The following ACAN variants were observed in gnomAD, a reference collection of about 807,000 sequenced individuals.
ACAN encodes the protein aggrecan, also known as aggrecan core protein.
Under a neutral mutation model 169.1 loss-of-function variants are expected in ACAN, and 47 were observed. The observed-to-expected ratio is 0.28, with a 90% CI of 0.22 to 0.35. ACAN has a LOEUF of 0.35. ACAN is among the 10% of genes least tolerant of loss of function. The pLI is 1.00. For missense variants in ACAN, 2,716 were observed against 2,759.9 expected, an observed-to-expected ratio of 0.98 and a Z score of 0.36; for synonymous variants, 1,115 against 1,112.2, an observed-to-expected ratio of 1.00 and a Z score of -0.05.
At chr15:88,867,009 A>T (rs1671497651) in intron 13 of ACAN, among the ~76,000 whole-genome samples, 1 of 152,242 alleles carries the variant, frequency 6.6e-6, no homozygotes, top group Non-Finnish European at 1.5e-5. Flanking sequence ...CACTCACTGC[A>T]GAATTTTACT....
Position 88,855,248 on chromosome 15 carries a change from G to T in ACAN, c.2663G>T (p.Gly888Val), listed in dbSNP as rs763199875. The change falls in exon 12 of 19, where the codon GGG becomes GTG. Residue 888 changes from glycine to valine, a missense_variant. This residue lies in a region of ACAN where 1,283 missense variants were observed against 1,281.5 expected (regional missense o/e 1.00). Transcript: ENST00000560601. ...CTTGACTTCAGTGGGCAGCTGTCAGGGGACAGGGCAAGTGGACTGCCCTCT... is the reference window on the plus strand; with the variant it reads ...CTTGACTTCAGTGGGCAGCTGTCAGTGGACAGGGCAAGTGGACTGCCCTCT... ...GHLDFSGQLS[G>V]DRASGLPSGD... is the part of the protein sequence containing the mutation. 1.2e-6 allele frequency: 2 copies of T among 1,605,934 alleles called. No homozygotes were observed. The highest frequency in any genetic ancestry group is 1.7e-6 in the Non-Finnish European group (2 of 1,173,534).
intron 1 of ACAN, among the ~76,000 whole-genome samples, chr15:88,810,688 T>G (rs1895799595): frequency 6.6e-6 from 1 of 152,164 alleles, no homozygotes. Context: ...GAGGTGTCAT[T>G]AGAGTTAGCC....
At chr15:88,815,179 G>T (rs1895908574) in intron 1 of ACAN, among the ~76,000 whole-genome samples, 1 of 152,126 alleles carries the variant, frequency 6.6e-6, no homozygotes, top group Admixed American at 6.5e-5. Flanking sequence ...CCCACGTTGT[G>T]TATCAGTGGG....
intron 1 of ACAN, among the ~76,000 whole-genome samples, chr15:88,805,729 C>T (rs1475609180): frequency 1.3e-5 from 2 of 152,202 alleles, no homozygotes; most frequent in African/African-American, 4.8e-5. Flanking sequence ...TTACTATTAT[C>T]ATTCTTAATT....
In ACAN at chr15:88,857,806, G is replaced by C. The variant is rs748666817; in HGVS notation, c.5221G>C (p.Gly1741Arg). ...CTTTGGTGTCAGTGGACAGCCATCA[G>C]GGTTTCCTGACACTAGTGGGGAAAC... is the stretch of plus-strand genomic sequence containing the variant. Reference protein sequence around the residue: ...GLFGVSGQPSGFPDTSGETSG... With the variant: ...GLFGVSGQPSRFPDTSGETSG... Residue 1741 changes from glycine to arginine, a missense_variant, in exon 12 of 19, where the codon GGG becomes CGG. Coordinates refer to ENST00000560601, the MANE Select transcript of ACAN (RefSeq NM_001369268.1). 8 of 1,613,834 alleles carry C rather than the reference G, an allele frequency of 5.0e-6. No individual in the cohort carries two copies. The highest frequency in any genetic ancestry group is 3.4e-6 in the Non-Finnish European group (4 of 1,179,906).
chr15:88,866,108 C>G lies in ACAN; in HGVS notation c.6947-2108C>G, dbSNP rs1394387219. Among the ~76,000 whole-genome samples, 1 of 152,204 alleles carries G rather than the reference C, an allele frequency of 6.6e-6. No individual in the cohort carries two copies. Among genetic ancestry groups the G allele is most frequent in the African/African-American group, 2.4e-5 (1 of 41,446 alleles). ...ACACAGAAAGAAAGCAACGCTCCCC[C>G]TCACCCCAACTTGGGCAGCCTGGGA... On this transcript the variant is annotated intron_variant, in intron 13 of 18. Coordinates refer to ENST00000560601, the MANE Select transcript of ACAN (RefSeq NM_001369268.1). The surrounding 1 kb of genome is among the most constrained non-coding windows in gnomAD (Gnocchi z 5.6).
Position 88,874,306 on chromosome 15 carries a change from G to C in ACAN, c.7631-99G>C. On this transcript the variant is annotated intron_variant, in intron 18 of 18. Transcript: ENST00000560601. The surrounding 1 kb of genome is among the most constrained non-coding windows in gnomAD (Gnocchi z 7.3). The stretch of plus-strand genomic sequence containing the variant: ...ATAAAGCCTCAGGCGCCTGAGTCCT[G>C]GTTTCCACAAGGGAGAGAGGGTAGT... 7.9e-7 allele frequency: 1 copy of C among 1,262,198 alleles called. No homozygotes were observed. Among genetic ancestry groups the C allele is most frequent in the South Asian group, 1.3e-5 (1 of 77,702 alleles). The allele number at this position is 1,262,198 out of a possible 1,614,324, so 78.2% of individuals were successfully genotyped here.
In ACAN at chr15:88,845,702, C is replaced by A; in HGVS notation, c.1249C>A (p.Pro417Thr). 1 of 1,614,032 alleles carries A rather than the reference C, an allele frequency of 6.2e-7. No homozygotes were observed. The change falls in exon 7 of 19, where the codon CCC becomes ACC. Residue 417 changes from proline (P) to threonine (T), a missense_variant. By Grantham distance (38) the Pro-to-Thr change is conservative. Around this residue, in one of 3 missense-constraint regions of ACAN, gnomAD observed 1,283 missense variants for 1,281.5 expected, o/e 1.00. Transcript: ENST00000560601. ...VSPSPLEPEE[P>T]FTFAPEIGAT... ...CCCCAGTCCCCTGGAACCCGAGGAGCCCTTCACGTTTGCCCCTGAAATAGG... is the reference window on the plus strand; with the variant it reads ...CCCCAGTCCCCTGGAACCCGAGGAGACCTTCACGTTTGCCCCTGAAATAGG...
chr15:88,836,826 A>G (rs1438439888), intron 2 of ACAN, among the ~76,000 whole-genome samples: 1 of 152,244 alleles, frequency 6.6e-6, no homozygotes, highest in Non-Finnish European at 1.5e-5. Context: ...CCAAATGAGC[A>G]AAACTTCCAC....
At chr15:88,825,531 A>G (rs1433458819) in intron 1 of ACAN, among the ~76,000 whole-genome samples, 1 of 152,206 alleles carries the variant, frequency 6.6e-6, no homozygotes, top group Non-Finnish European at 1.5e-5. Flanking sequence ...CTTCTAGTGT[A>G]CCATGTTATC....
chr15:88,873,052 G>T lies in ACAN; in HGVS notation c.7447+27G>T. On this transcript the variant is annotated intron_variant, in intron 17 of 18. Transcript: ENST00000560601. The surrounding 1 kb of genome is among the most constrained non-coding windows in gnomAD (Gnocchi z 7.5). ...TAAGCTGGCGCCTGGGAGGGGTCAG[G>T]GGAGGATAGGATCAAGACCTCCAGC... The T allele has an allele frequency of 6.2e-7, 1 of 1,606,554 alleles. No homozygotes were observed. Among genetic ancestry groups the T allele is most frequent in the South Asian group, 1.1e-5 (1 of 89,658 alleles).
Position 88,803,693 on chromosome 15 carries a change from C to T in ACAN, c.-124C>T, listed in dbSNP as rs1895596124. ...GGAGGAGGGGTGCGCAGCGCCCGCG[C>T]AGAGCGTCTCCCTCGCTACGCAGCG... On this transcript the variant is annotated 5_prime_UTR_variant, in exon 1 of 19. Transcript: ENST00000560601. 2 of 152,304 alleles carry T rather than the reference C, an allele frequency of 1.3e-5. No individual in the cohort carries two copies. The highest frequency in any genetic ancestry group is 4.2e-4 in the South Asian group (2 of 4,818). 9.4% of individuals were successfully genotyped at this position (152,304 alleles called of 1,614,324 possible).
At chr15:88,834,809 A>G (rs896510341) in intron 1 of ACAN, among the ~76,000 whole-genome samples, 9 of 152,182 alleles carry the variant, frequency 5.9e-5, no homozygotes, top group African/African-American at 2.2e-4. Context: ...GCTGCACCTT[A>G]GAACCTTCCA....
intron 1 of ACAN, among the ~76,000 whole-genome samples, chr15:88,826,374 C>CTTTTTTTTT (rs59069149): frequency 3.6e-5 from 4 of 111,562 alleles, no homozygotes; most frequent in African/African-American, 3.5e-5. Flanking sequence ...CCTTTTTTTT[C>CTTTTTTTTT]TTTTTTTTTT....
At chr15:88,837,889 T>A in intron 2 of ACAN, among the ~76,000 whole-genome samples, 1 of 151,766 alleles carries the variant, frequency 6.6e-6, no homozygotes, top group African/African-American at 2.4e-5. Flanking sequence ...AAAGGTGCTT[T>A]TTTTTTTTTT....
Position 88,873,906 on chromosome 15 carries a change from T to C in ACAN, c.7512T>C (p.Tyr2504=). The C allele has an allele frequency of 6.2e-7, 1 of 1,605,430 alleles. No homozygotes were observed. The highest frequency in any genetic ancestry group is 8.5e-7 in the Non-Finnish European group (1 of 1,172,504). Residue 2504 remains tyrosine, a synonymous_variant, in exon 18 of 19, where the codon TAT becomes TAC. Transcript: ENST00000560601. This position sits in a 1 kb window ranked among gnomAD's most constrained non-coding sequence, Gnocchi z 7.5. ...ARTFGQKKDR[Y]EINSLVRYQC... Reference sequence around the variant, plus strand: ...CCTTCGGGCAGAAGAAGGACCGGTATGAGATCAATTCCCTGGTGCGGTACC... The same window carrying C: ...CCTTCGGGCAGAAGAAGGACCGGTACGAGATCAATTCCCTGGTGCGGTACC...
chr15:88,827,288 C>T (rs1323663031), intron 1 of ACAN, among the ~76,000 whole-genome samples: 1 of 152,218 alleles, frequency 6.6e-6, no homozygotes, highest in Non-Finnish European at 1.5e-5. Context: ...TTTGAACTCA[C>T]ATCCTAGTCC....
intron 1 of ACAN, among the ~76,000 whole-genome samples, chr15:88,806,470 G>A (rs1439105153): frequency 1.3e-5 from 2 of 151,888 alleles, no homozygotes. Flanking sequence ...TTGTGCCTCA[G>A]CCTCCCAAGT....
intron 1 of ACAN, among the ~76,000 whole-genome samples, chr15:88,826,057 G>A (rs1896209050): frequency 6.6e-6 from 1 of 152,212 alleles, no homozygotes; most frequent in South Asian, 2.1e-4. Flanking sequence ...GGAAGCAGCA[G>A]GAGTTGGTCA....
Sources: allele counts gnomAD v4.1 joint callset (sites outside exome capture counted in the v4.1 genomes callset), GRCh38; gene constraint gnomAD v4.1.1; regional missense constraint gnomAD v4.1.1; non-coding constraint Gnocchi (gnomAD v3.1); transcripts MANE v1.5; gene names NCBI Gene and HGNC (gene_info 2026-07-23, HGNC 2026-07-21).